NCAM2: variants seen among roughly 807,000 people sequenced by gnomAD.
NCAM2 encodes neural cell adhesion molecule 2, also known as N-CAM-2.
In NCAM2, 30 loss-of-function variants were observed where a neutral mutation model predicts 98.1. The observed-to-expected ratio is 0.31, with a 90% CI of 0.23 to 0.41. The LOEUF (loss-of-function observed/expected upper bound fraction) is 0.41, where lower values mean the gene tolerates loss of function less well. Among genes scored for constraint, NCAM2 ranks in the 10% least tolerant of loss-of-function variants. NCAM2 has a pLI of 1.00. For synonymous variants in NCAM2, 368 were observed against 342.4 expected (o/e 1.07, Z -0.83); for missense variants, 867 against 1,005.8 (o/e 0.86, Z 1.87).
chr21:21,276,909 C>G (rs1290012056), intron 1 of NCAM2, among the ~76,000 whole-genome samples: 1 of 151,748 alleles, frequency 6.6e-6, no homozygotes, highest in Non-Finnish European at 1.5e-5. Flanking sequence ...AAAAATTAAC[C>G]AGATGTTTAA....
intron 12 of NCAM2, among the ~76,000 whole-genome samples, chr21:21,452,858 G>T (rs1199922200): frequency 1.1e-5 from 1 of 93,144 alleles, no homozygotes; most frequent in Non-Finnish European, 1.9e-5. Flanking sequence ...CATTATATAT[G>T]AATAAACATT....
At chr21:21,247,222 G>A (rs556739476) in intron 1 of NCAM2, among the ~76,000 whole-genome samples, 40 of 152,216 alleles carry the variant, frequency 2.6e-4, no homozygotes, top group African/African-American at 8.2e-4. Flanking sequence ...GGGAGGCTGA[G>A]GCAGGAGAAT....
intron 9 of NCAM2, among the ~76,000 whole-genome samples, chr21:21,406,698 C>T (rs1456471225): frequency 6.6e-6 from 1 of 152,130 alleles, no homozygotes; most frequent in African/African-American, 2.4e-5. Flanking sequence ...AAAATTAATT[C>T]TTCCAATAAA....
chr21:21,058,703 T>C (rs928681745), intron 1 of NCAM2, among the ~76,000 whole-genome samples: 2 of 151,494 alleles, frequency 1.3e-5, no homozygotes, highest in East Asian at 3.9e-4. Flanking sequence ...TACTTCTACA[T>C]TGACCCATTG....
chr21:21,476,330 G>A (rs1985162901), intron 14 of NCAM2, among the ~76,000 whole-genome samples: 1 of 151,868 alleles, frequency 6.6e-6, no homozygotes, highest in Non-Finnish European at 1.5e-5. Flanking sequence ...TCCTAAAATC[G>A]CTGTTATTTT....
chr21:21,088,777 G>A (rs1469977270), intron 1 of NCAM2, among the ~76,000 whole-genome samples: 1 of 152,052 alleles, frequency 6.6e-6, no homozygotes, highest in East Asian at 1.9e-4. Context: ...CGGATCACGA[G>A]GTCAGGAGAT....
At chr21:21,477,708 C>G (rs972113249) in intron 15 of NCAM2, among the ~76,000 whole-genome samples, 2 of 151,992 alleles carry the variant, frequency 1.3e-5, no homozygotes, top group African/African-American at 2.4e-5. Flanking sequence ...GAAAGAATGA[C>G]TAGGAGAACA....
intron 8 of NCAM2, among the ~76,000 whole-genome samples, chr21:21,370,228 C>T (rs1412091283): frequency 1.3e-5 from 2 of 151,778 alleles, no homozygotes; most frequent in Non-Finnish European, 2.9e-5. Context: ...TATCAGCATG[C>T]ATTATAATTT....
chr21:21,069,736 TA>T (rs750125944), intron 1 of NCAM2, among the ~76,000 whole-genome samples: 1 of 152,068 alleles, frequency 6.6e-6, no homozygotes, highest in Non-Finnish European at 1.5e-5. Flanking sequence ...GGGGTAGAGG[TA>T]CAAAGCTAAA....
At position 21,438,258 on chromosome 21, in the gene NCAM2, A is replaced by G. The variant is rs536973845; in HGVS notation, c.1654+5977A>G. Among the ~76,000 whole-genome samples, 21 of 152,296 alleles carry G rather than the reference A, an allele frequency of 1.4e-4. 1 individual carries two copies. In the South Asian group the frequency reaches 4.1e-3, roughly 30 times the overall value. Reference sequence around the variant, plus strand: ...ATTGCTGATGTCACCACCCAGAAGTAATTATCAGCTCTTGGTGGACTGCAA... The same window carrying G: ...ATTGCTGATGTCACCACCCAGAAGTGATTATCAGCTCTTGGTGGACTGCAA... On this transcript the variant is annotated intron_variant, in intron 12 of 17. Coordinates refer to ENST00000400546, the MANE Select transcript of NCAM2 (RefSeq NM_004540.5).
chr21:21,003,123 A>G (rs902672733), intron 1 of NCAM2, among the ~76,000 whole-genome samples: 4 of 152,164 alleles, frequency 2.6e-5, no homozygotes, highest in Non-Finnish European at 5.9e-5. Flanking sequence ...ACAAATAGAT[A>G]TCAACATATT....
chr21:21,286,348 C>T lies in NCAM2; in HGVS notation c.417C>T (p.Ser139=), dbSNP rs955106877. 6 of 1,612,408 alleles carry T rather than the reference C, an allele frequency of 3.7e-6. No homozygotes were observed. Among genetic ancestry groups the T allele is most frequent in the Non-Finnish European group, 5.1e-6 (6 of 1,179,022 alleles). The change falls in exon 4 of 18, where the codon AGC becomes AGT. Residue 139 remains serine, a synonymous_variant. Coordinates refer to ENST00000400546, the MANE Select transcript of NCAM2 (RefSeq NM_004540.5). ...GEDAEVVCRV[S]SSPAPAVSWL... is the part of the protein sequence containing the mutation. ...ATGCAGAAGTGGTTTGCCGAGTTAG[C>T]AGTTCACCTGCACCTGCTGTCAGCT...
At chr21:21,369,364 AT>A (rs369411338) in intron 8 of NCAM2, among the ~76,000 whole-genome samples, 404 of 151,808 alleles carry the variant, frequency 2.7e-3, no homozygotes, top group African/African-American at 9.4e-3. Flanking sequence ...GTTTTTTTCA[AT>A]CCATGCACCA....
At chr21:21,236,927 A>C (rs2070855609) in intron 1 of NCAM2, among the ~76,000 whole-genome samples, 1 of 152,168 alleles carries the variant, frequency 6.6e-6, no homozygotes, top group African/African-American at 2.4e-5. Context: ...AGTTATGTAG[A>C]CAATAGTGTT....
At chr21:21,253,370 A>C (rs1016884469) in intron 1 of NCAM2, among the ~76,000 whole-genome samples, 2 of 152,154 alleles carry the variant, frequency 1.3e-5, no homozygotes, top group African/African-American at 4.8e-5. Context: ...TTCCAAATTC[A>C]TGTGCTGAAA....
chr21:21,415,502 A>G (rs1005320312), intron 10 of NCAM2, among the ~76,000 whole-genome samples: 1 of 151,296 alleles, frequency 6.6e-6, no homozygotes, highest in African/African-American at 2.4e-5. Context: ...CGCCCGGCTA[A>G]TTTTTTGTAC....
At chr21:21,251,859 C>G (rs1353277634) in intron 1 of NCAM2, among the ~76,000 whole-genome samples, 2 of 151,618 alleles carry the variant, frequency 1.3e-5, no homozygotes, top group Non-Finnish European at 2.9e-5. Flanking sequence ...TGCCTGTTCA[C>G]TCTGATGCTA....
At chr21:21,052,922 C>A (rs1371651878) in intron 1 of NCAM2, among the ~76,000 whole-genome samples, 1 of 152,010 alleles carries the variant, frequency 6.6e-6, no homozygotes, top group Non-Finnish European at 1.5e-5. Context: ...CTCATATACT[C>A]ATTTCTAAGG....
At chr21:21,151,413 AT>A (rs773795902) in intron 1 of NCAM2, among the ~76,000 whole-genome samples, 7 of 152,088 alleles carry the variant, frequency 4.6e-5, no homozygotes, top group Non-Finnish European at 7.4e-5. Context: ...GTTGTAGTGT[AT>A]TATTAATGGT....
Sources: allele counts gnomAD v4.1 joint callset (sites outside exome capture counted in the v4.1 genomes callset), GRCh38; gene constraint gnomAD v4.1.1; transcripts MANE v1.5; gene names NCBI Gene and HGNC (gene_info 2026-07-23, HGNC 2026-07-21).